RARB: variants seen among roughly 807,000 people sequenced by gnomAD.
RARB encodes the protein retinoic acid receptor beta.
In RARB, 17 loss-of-function variants were observed where a neutral mutation model predicts 51.9. The ratio of observed to expected loss-of-function variants is 0.33; its 90% CI spans 0.22 to 0.49. The LOEUF (loss-of-function observed/expected upper bound fraction) is 0.49. Ranked by LOEUF, RARB falls within the 20% of genes least tolerant of loss-of-function variation. RARB has a pLI of 0.99. For missense variants in RARB, 369 were observed against 550.8 expected (o/e 0.67, Z 3.30); for synonymous variants, 215 against 195.4 (o/e 1.10, Z -0.84).
intron 5 of RARB, among the ~76,000 whole-genome samples, chr3:25,343,619 C>G (rs1331409930): frequency 6.6e-6 from 1 of 151,986 alleles, no homozygotes; most frequent in African/African-American, 2.4e-5. Context: ...TAAATACATT[C>G]TTTAATTTGA....
intron 3 of RARB, among the ~76,000 whole-genome samples, chr3:25,511,472 A>G (rs2125621012): frequency 6.6e-6 from 1 of 152,234 alleles, no homozygotes; most frequent in East Asian, 1.9e-4. Context: ...TTTATGGCAA[A>G]TGACACCCCT....
chr3:24,836,371 A>T (rs1422027200), intron 1 of RARB, among the ~76,000 whole-genome samples: 1 of 152,186 alleles, frequency 6.6e-6, no homozygotes, highest in Non-Finnish European at 1.5e-5. Context: ...CCTGTTTTCT[A>T]GCAAAGTTTG....
chr3:25,264,555 T>C (rs1288043336), intron 5 of RARB, among the ~76,000 whole-genome samples: 1 of 152,194 alleles, frequency 6.6e-6, no homozygotes, highest in Non-Finnish European at 1.5e-5. Flanking sequence ...AAATTGCATA[T>C]TGCTTTATTT....
intron 2 of RARB, among the ~76,000 whole-genome samples, chr3:24,953,332 GA>G (rs1287727113): frequency 1.3e-5 from 2 of 152,122 alleles, no homozygotes; most frequent in Non-Finnish European, 2.9e-5. Context: ...TGAAAATTAG[GA>G]AGCAAAAACC....
chr3:25,415,598 C>A (rs1374634405), intron 5 of RARB, among the ~76,000 whole-genome samples: 1 of 152,202 alleles, frequency 6.6e-6, no homozygotes, highest in East Asian at 1.9e-4. Flanking sequence ...CTTCCCCATT[C>A]ATGAGTTAAA....
chr3:25,567,548 G>A (rs1262604892), intron 3 of RARB, among the ~76,000 whole-genome samples: 1 of 152,120 alleles, frequency 6.6e-6, no homozygotes, highest in Non-Finnish European at 1.5e-5. Flanking sequence ...CCGTCATCGG[G>A]TGATGAACAT....
chr3:24,969,038 A>G (rs1444193794), intron 2 of RARB, among the ~76,000 whole-genome samples: 4 of 152,048 alleles, frequency 2.6e-5, no homozygotes, highest in Admixed American at 2.6e-4. Context: ...TGCTAGGCAC[A>G]GGATAGAAAA....
chr3:25,030,521 G>T (rs1185985575), intron 2 of RARB, among the ~76,000 whole-genome samples: 1 of 152,316 alleles, frequency 6.6e-6, no homozygotes, highest in East Asian at 1.9e-4. Flanking sequence ...AAACATTTTT[G>T]AGGTTTAATT....
At chr3:25,311,924 G>A (rs1405941844) in intron 5 of RARB, among the ~76,000 whole-genome samples, 2 of 151,968 alleles carry the variant, frequency 1.3e-5, no homozygotes, top group Non-Finnish European at 2.9e-5. Context: ...GCTCAAGTCA[G>A]TTACCCTGAA....
chr3:25,229,969 A>G (rs368062427), intron 5 of RARB, among the ~76,000 whole-genome samples: 6 of 152,294 alleles, frequency 3.9e-5, no homozygotes, highest in African/African-American at 1.2e-4. Context: ...TGTATGATAA[A>G]ACATATTTCT....
chr3:25,119,464 T>C (rs1699743704), intron 3 of RARB, among the ~76,000 whole-genome samples: 1 of 152,130 alleles, frequency 6.6e-6, no homozygotes, highest in East Asian at 1.9e-4. Context: ...GTAATCGATG[T>C]TAAGAGAACT....
chr3:25,156,695 A>G (rs569288870), intron 4 of RARB, among the ~76,000 whole-genome samples: 2 of 152,204 alleles, frequency 1.3e-5, no homozygotes, highest in Admixed American at 6.5e-5. Flanking sequence ...TTCAGCCAGT[A>G]TTTTTGAGTC....
intron 5 of RARB, among the ~76,000 whole-genome samples, chr3:25,253,380 T>A (rs937375739): frequency 1.3e-5 from 2 of 152,200 alleles, no homozygotes; most frequent in Non-Finnish European, 2.9e-5. Context: ...CTACTTTACT[T>A]AACTTTATTT....
chr3:25,473,504 T>C (rs1243518784), intron 2 of RARB, among the ~76,000 whole-genome samples: 1 of 52,320 alleles, frequency 1.9e-5, no homozygotes, highest in African/African-American at 8.3e-5. Context: ...GTTCTGTGGC[T>C]AGCACTATTC....
At chr3:25,111,552 C>G (rs143020077) in intron 3 of RARB, among the ~76,000 whole-genome samples, 122 of 151,138 alleles carry the variant, frequency 8.1e-4, no homozygotes, top group Non-Finnish European at 1.5e-3. Flanking sequence ...ATTTAAGTCT[C>G]CTAGCTAAAT....
chr3:25,357,553 T>G (rs1332252443), intron 5 of RARB, among the ~76,000 whole-genome samples: 3 of 152,226 alleles, frequency 2.0e-5, no homozygotes, highest in Admixed American at 6.5e-5. Flanking sequence ...TTGTTGCCGT[T>G]GCTTTTGGTG....
intron 5 of RARB, among the ~76,000 whole-genome samples, chr3:25,276,393 C>G (rs1488172871): frequency 6.6e-6 from 1 of 152,098 alleles, no homozygotes; most frequent in Non-Finnish European, 1.5e-5. Flanking sequence ...GTTGAAGCAT[C>G]ACACGATACT....
At chr3:25,563,151 A>G (rs13081182) in intron 3 of RARB, among the ~76,000 whole-genome samples, 33,047 of 152,128 alleles carry the variant, frequency 0.22, 4,022 homozygotes, top group East Asian at 0.4. Context: ...CATCTCTTAG[A>G]CTTCGAGGTT....
chr3:25,456,043 G>A (rs1262289830), intron 1 of RARB, among the ~76,000 whole-genome samples: 4 of 151,638 alleles, frequency 2.6e-5, no homozygotes, highest in Admixed American at 6.6e-5. Context: ...GCCTGAGATC[G>A]CTGAATGAGC....
Sources: allele counts gnomAD v4.1 joint callset (sites outside exome capture counted in the v4.1 genomes callset), GRCh38; gene constraint gnomAD v4.1.1; transcripts MANE v1.5; gene names NCBI Gene and HGNC (gene_info 2026-07-23, HGNC 2026-07-21).